DMD: variants seen among roughly 807,000 people sequenced by gnomAD.
The protein encoded by DMD is dystrophin.
DMD carries 63 observed loss-of-function variants against 330.1 expected under a neutral mutation model. The observed-to-expected ratio is 0.19, with a 90% CI of 0.16 to 0.24. The LOEUF (loss-of-function observed/expected upper bound fraction) is 0.24. DMD is among the 10% of genes least tolerant of loss of function. The pLI is 1.00. For missense variants in DMD, 3,344 were observed against 2,684.1 expected (o/e 1.25, Z -5.43); for synonymous variants, 1,223 against 959.8 (o/e 1.27, Z -5.07).
At chrX:33,261,438 T>C (rs191944353) in intron 1 of DMD, among the ~76,000 whole-genome samples, 111 of 111,089 alleles carry the variant, frequency 1.0e-3, no homozygotes, top group African/African-American at 3.6e-3. Context: ...GCTTCGCATT[T>C]AGATTCCTTC....
At chrX:32,425,296 G>C (rs1456971792) in intron 29 of DMD, among the ~76,000 whole-genome samples, 3 of 110,798 alleles carry the variant, frequency 2.7e-5, no homozygotes, top group East Asian at 5.7e-4. Context: ...ATTTATCCTT[G>C]GTGGATAAAC....
chrX:33,034,241 C>A (rs1430459636), intron 1 of DMD, among the ~76,000 whole-genome samples: 1 of 111,265 alleles, frequency 9.0e-6, no homozygotes, highest in Non-Finnish European at 1.9e-5. Flanking sequence ...AGTAGAATCT[C>A]CAGAATTTCC....
chrX:31,692,018 T>C (rs911978039), intron 52 of DMD, among the ~76,000 whole-genome samples: 1 of 111,970 alleles, frequency 8.9e-6, no homozygotes, highest in Non-Finnish European at 1.9e-5. Context: ...ATAGATCATA[T>C]GTTAGGCCAC....
intron 29 of DMD, among the ~76,000 whole-genome samples, chrX:32,419,380 T>C (rs370727236): frequency 1.8e-5 from 2 of 112,155 alleles, no homozygotes; most frequent in African/African-American, 6.5e-5. Flanking sequence ...ACTGTGTTCC[T>C]TGGACAAGAA....
At chrX:32,026,514 A>G (rs2095846633) in intron 44 of DMD, among the ~76,000 whole-genome samples, 1 of 112,570 alleles carries the variant, frequency 8.9e-6, no homozygotes, top group African/African-American at 3.2e-5. Context: ...AGACAAAAAC[A>G]TATATAGAGA....
intron 48 of DMD, among the ~76,000 whole-genome samples, chrX:31,848,377 C>G (rs2093464215): frequency 9.0e-6 from 1 of 111,443 alleles, no homozygotes; most frequent in Non-Finnish European, 1.9e-5. Flanking sequence ...GTGAAGAAGG[C>G]CACCACTAAA....
At chrX:32,499,725 A>G (rs182217676) in intron 19 of DMD, among the ~76,000 whole-genome samples, 106 of 111,272 alleles carry the variant, frequency 9.5e-4, no homozygotes, top group African/African-American at 3.4e-3. Flanking sequence ...TTCATGAGCT[A>G]CACCACTCAA....
At chrX:31,538,890 G>C (rs2073610368) in intron 55 of DMD, among the ~76,000 whole-genome samples, 1 of 110,984 alleles carries the variant, frequency 9.0e-6, no homozygotes. Context: ...ATCATGAGTT[G>C]TATGTTTCAC....
chrX:31,380,264 CCG>C (rs2060104573), intron 60 of DMD, among the ~76,000 whole-genome samples: 1 of 110,701 alleles, frequency 9.0e-6, no homozygotes, highest in Non-Finnish European at 1.9e-5. Flanking sequence ...CCCTATTAGG[CCG>C]AGACACTTTA....
At chrX:31,488,675 C>T (rs1603248572) in intron 57 of DMD, among the ~76,000 whole-genome samples, 1 of 112,027 alleles carries the variant, frequency 8.9e-6, no homozygotes, top group East Asian at 2.8e-4. Flanking sequence ...TATCTTCGAT[C>T]AAATAATTAT....
At chrX:32,075,965 T>C (rs1285340803) in intron 44 of DMD, among the ~76,000 whole-genome samples, 2 of 98,009 alleles carry the variant, frequency 2.0e-5, no homozygotes, top group East Asian at 6.6e-4. Context: ...GGAGAATCAT[T>C]TGAGCCCACG....
At position 33,119,561 on chromosome X, in the gene DMD, G is replaced by A. The variant is rs769695422; in HGVS notation, c.31+91721C>T. Among the ~76,000 whole-genome samples the A allele has an allele frequency of 4.0e-4, 45 of 112,406 alleles. 1 individual carries two copies. The highest frequency in any genetic ancestry group is 2.1e-4 in the Non-Finnish European group (11 of 53,368). On this transcript the variant is annotated intron_variant, in intron 1 of 78. Coordinates refer to ENST00000357033, the MANE Select transcript of DMD (RefSeq NM_004006.3). ...AGAGGCAATAGCAGTACAGAGACTG[G>A]CATTTGAGAAATGGCAGCAGGTCAG...
At chrX:32,767,513 C>A (rs1471711559) in intron 7 of DMD, among the ~76,000 whole-genome samples, 1 of 111,258 alleles carries the variant, frequency 9.0e-6, no homozygotes, top group Non-Finnish European at 1.9e-5. Flanking sequence ...ACGTTTATAT[C>A]CAATTTAGAG....
chrX:31,415,498 A>C (rs2148913651), intron 60 of DMD, among the ~76,000 whole-genome samples: 1 of 111,997 alleles, frequency 8.9e-6, no homozygotes, highest in East Asian at 2.8e-4. Flanking sequence ...GGTCAGGTAC[A>C]GGCTGGGGTC....
chrX:32,449,816 C>G (rs1182143265), intron 26 of DMD, among the ~76,000 whole-genome samples: 1 of 110,234 alleles, frequency 9.1e-6, no homozygotes, highest in Non-Finnish European at 1.9e-5. Context: ...CTGACATTAG[C>G]TTTCAAATAT....
Position 31,447,168 on chromosome X carries a change from C to T in DMD, c.8938-2541G>A, listed in dbSNP as rs114786496. Among the ~76,000 whole-genome samples the T allele has an allele frequency of 5.4e-3, 591 of 109,216 alleles. 8 individuals carry two copies. Among genetic ancestry groups the T allele is most frequent in the African/African-American group, 0.018 (554 of 30,107 alleles). The allele number at this position is 109,216 out of a possible 115,157, so 94.8% of individuals were successfully genotyped here. A position where few individuals can be genotyped will look rare whatever the true frequency, so the allele number is the denominator to read the frequency against. Reference sequence around the variant, plus strand: ...GGGGATTCAAAAATAAGTTTTGGTACTCATAATTAATTGCAATGCTCTCCC... The same window carrying T: ...GGGGATTCAAAAATAAGTTTTGGTATTCATAATTAATTGCAATGCTCTCCC... On this transcript the variant is annotated intron_variant, in intron 59 of 78. Coordinates refer to ENST00000357033, the MANE Select transcript of DMD (RefSeq NM_004006.3).
intron 60 of DMD, among the ~76,000 whole-genome samples, chrX:31,439,709 T>C (rs2064792850): frequency 8.9e-6 from 1 of 111,999 alleles, no homozygotes; most frequent in Non-Finnish European, 1.9e-5. Flanking sequence ...AGAAAAATGG[T>C]ATAATATTCC....
At chrX:32,069,342 A>G (rs190065025) in intron 44 of DMD, among the ~76,000 whole-genome samples, 41 of 111,915 alleles carry the variant, frequency 3.7e-4, no homozygotes, top group African/African-American at 1.3e-3. Context: ...CTTTAGAAAA[A>G]AGGAAGAATG....
intron 11 of DMD, among the ~76,000 whole-genome samples, chrX:32,619,364 C>A (rs896770365): frequency 1.9e-4 from 21 of 110,573 alleles, no homozygotes; most frequent in African/African-American, 6.6e-4. Context: ...TAGTCACAGT[C>A]AAAATATTCA....
Sources: gnomAD v4.1 joint callset for allele counts (sites outside exome capture counted in the v4.1 genomes callset) on GRCh38, gnomAD v4.1.1 for gene constraint, MANE v1.5 for transcripts, NCBI Gene and HGNC (gene_info 2026-07-23, HGNC 2026-07-21) for gene names.